Variants in USH2A observed in about 807,000 individuals in gnomAD.
USH2A encodes Usher syndrome 2A (autosomal recessive, mild).
A neutral mutation model predicts 538.9 loss-of-function variants in USH2A; 443 were observed. The ratio of observed to expected loss-of-function variants is 0.82; its 90% confidence interval spans 0.76 to 0.89. USH2A has a LOEUF of 0.89. Ranked by LOEUF, USH2A falls within the 40% of genes least tolerant of loss-of-function variation. USH2A has a pLI of 0.00. For missense variants in USH2A, 6,633 were observed against 6,324.8 expected (o/e 1.05, Z -1.65); for synonymous variants, 2,413 against 2,273.5 (o/e 1.06, Z -1.75).
In USH2A at chr1:216,375,781, A is replaced by T. The variant is rs2038806998; in HGVS notation, c.652-10696T>A. Among the ~76,000 whole-genome samples, 4 of 152,238 alleles carry T rather than the reference A, an allele frequency of 2.6e-5. No homozygotes were observed. In the South Asian group the frequency reaches 8.3e-4, roughly 32 times the overall value. ...TTCCTCACTAAGCTTACTCATTTCTAGCTTTTGATTTCAAGTGAGAGAAAT... is the reference window on the plus strand; with the variant it reads ...TTCCTCACTAAGCTTACTCATTTCTTGCTTTTGATTTCAAGTGAGAGAAAT... On this transcript the variant is annotated intron_variant, in intron 3 of 71. Coordinates refer to ENST00000307340, the MANE Select transcript of USH2A (RefSeq NM_206933.4).
At chr1:216,370,681 A>AAAAAAAAAAAAAAAAAC (rs2038695459) in intron 3 of USH2A, among the ~76,000 whole-genome samples, 1 of 142,148 alleles carries the variant, frequency 7.0e-6, no homozygotes, top group African/African-American at 2.9e-5. Flanking sequence ...CTGTCTCAAA[A>AAAAAAAAAAAAAAAAAC]AAAAAAAAAA....
At chr1:216,151,774 A>C (rs2033839301) in intron 21 of USH2A, among the ~76,000 whole-genome samples, 1 of 152,200 alleles carries the variant, frequency 6.6e-6, no homozygotes, top group African/African-American at 2.4e-5. Context: ...CAACATAAAA[A>C]AACTCAAGGA....
At chr1:216,067,680 C>T (rs2031425520) in intron 30 of USH2A, among the ~76,000 whole-genome samples, 1 of 152,100 alleles carries the variant, frequency 6.6e-6, no homozygotes, top group South Asian at 2.1e-4. Context: ...TCCAGAGTAA[C>T]TCTCAAATTG....
Position 215,759,790 on chromosome 1 carries a change from A to G in USH2A, c.11101T>C (p.Tyr3701His), listed in dbSNP as rs1660925738. Residue 3701 changes from tyrosine (Y) to histidine (H), a missense_variant, in exon 57 of 72, where the codon TAT becomes CAT. Physicochemically the swap from Tyr to His is moderately conservative, Grantham distance 83 (BLOSUM62 2). Transcript: ENST00000307340. Reference sequence around the variant, plus strand: ...TTGGGCTTTTCTGGCAGACTCCAATATAATTCCACTGTTGTAGAATTGATG... The same window carrying G: ...TTGGGCTTTTCTGGCAGACTCCAATGTAATTCCACTGTTGTAGAATTGATG... ...IIINSTTVELYWSLPEKPNGL... is the reference protein window; with the variant it reads ...IIINSTTVELHWSLPEKPNGL... The G allele has an allele frequency of 6.2e-7, 1 of 1,614,096 alleles. No homozygotes were observed. The highest frequency in any genetic ancestry group is 8.5e-7 in the Non-Finnish European group (1 of 1,179,966).
chr1:215,759,902 A>T, intron 56 of USH2A, 59 bp from the exon 57 acceptor site: 1 of 1,595,796 alleles, frequency 6.3e-7, no homozygotes, highest in Non-Finnish European at 8.6e-7. Flanking sequence ...GTGTATCAAA[A>T]GTCACACCAT....
intron 62 of USH2A, among the ~76,000 whole-genome samples, chr1:215,676,177 A>G (rs1419771513): frequency 6.6e-6 from 1 of 152,068 alleles, no homozygotes; most frequent in Non-Finnish European, 1.5e-5. Context: ...ATACATATAT[A>G]TACATGTACA....
intron 60 of USH2A, among the ~76,000 whole-genome samples, chr1:215,736,457 T>A (rs973093447): frequency 1.3e-5 from 2 of 152,142 alleles, no homozygotes; most frequent in African/African-American, 4.8e-5. Context: ...ATCAGTGGAT[T>A]ATGAAATAAT....
chr1:216,355,331 G>T (rs1270670393), intron 4 of USH2A, among the ~76,000 whole-genome samples: 3 of 139,880 alleles, frequency 2.1e-5, no homozygotes, highest in Non-Finnish European at 4.7e-5. Context: ...AAGAAAGAAA[G>T]AAAGAAAGAA....
intron 9 of USH2A, among the ~76,000 whole-genome samples, chr1:216,295,176 C>T (rs943550696): frequency 1.3e-5 from 2 of 151,382 alleles, no homozygotes; most frequent in Non-Finnish European, 3.0e-5. Flanking sequence ...GAAGAAATTG[C>T]TACTTCAAAA....
rs767580531 is a variant in USH2A, at chr1:216,000,429, G to C, written c.6459C>G (p.Val2153=). The change falls in exon 33 of 72, where the codon GTC becomes GTG. Residue 2153 remains valine (V), a synonymous_variant. Coordinates refer to ENST00000307340, the MANE Select transcript of USH2A (RefSeq NM_206933.4). ...PEHVDSPVLT[V]LDSRTIHIQW... is the part of the protein sequence containing the mutation. ...GTATGTGTATAGTTCTAGAATCCAG[G>C]ACAGTCAGAACTGGGGAATCCACGT... 1.2e-6 allele frequency: 2 copies of C among 1,613,502 alleles called. No homozygotes were observed. The highest frequency in any genetic ancestry group is 2.2e-5 in the South Asian group (2 of 91,082).
intron 67 of USH2A, among the ~76,000 whole-genome samples, chr1:215,642,764 CT>C (rs2102638042): frequency 1.3e-5 from 2 of 152,210 alleles, no homozygotes; most frequent in African/African-American, 4.8e-5. Flanking sequence ...ATGTTGGTCA[CT>C]TGAGAGCAGT....
At chr1:215,872,039 A>G (rs1032756339) in intron 43 of USH2A, among the ~76,000 whole-genome samples, 1 of 152,200 alleles carries the variant, frequency 6.6e-6, no homozygotes, top group Admixed American at 6.5e-5. Flanking sequence ...TAATATTGTC[A>G]CCAATATAAA....
intron 61 of USH2A, among the ~76,000 whole-genome samples, chr1:215,727,408 T>C (rs1428280499): frequency 6.6e-6 from 1 of 152,068 alleles, no homozygotes. Context: ...TTAGTAGACA[T>C]GGAAAATGGA....
intron 4 of USH2A, among the ~76,000 whole-genome samples, chr1:216,355,077 G>C (rs2038358027): frequency 6.6e-6 from 1 of 152,026 alleles, no homozygotes; most frequent in Admixed American, 6.6e-5. Flanking sequence ...GGAGGCTGAG[G>C]AGGGTGGATC....
chr1:215,750,526 T>C lies in USH2A; in HGVS notation c.11390-7191A>G, dbSNP rs1156381606. On this transcript the variant is annotated intron_variant, in intron 58 of 71. Transcript: ENST00000307340. ...ATGAAGTTTTGAGCCACAAATAAAA[T>C]TATTCTATTGGGTTACTGGGTCGAC... Among the ~76,000 whole-genome samples, 3 of 152,152 alleles carry C rather than the reference T, an allele frequency of 2.0e-5. No individual in the cohort carries two copies. The South Asian group carries it at 6.2e-4, about 31-fold the overall frequency.
intron 58 of USH2A, among the ~76,000 whole-genome samples, chr1:215,754,388 T>C (rs1481295948): frequency 6.6e-6 from 1 of 152,172 alleles, no homozygotes; most frequent in East Asian, 1.9e-4. Flanking sequence ...ATTAGAACAA[T>C]AGTTTGAAAA....
intron 52 of USH2A, among the ~76,000 whole-genome samples, chr1:215,783,981 G>A (rs1440098639): frequency 6.6e-6 from 1 of 152,148 alleles, no homozygotes; most frequent in Non-Finnish European, 1.5e-5. Context: ...AAAATACAAT[G>A]CAATAAATTA....
At chr1:215,889,908 A>G (rs570399764) in intron 40 of USH2A, among the ~76,000 whole-genome samples, 1 of 152,318 alleles carries the variant, frequency 6.6e-6, no homozygotes, top group East Asian at 1.9e-4. Flanking sequence ...CTGCGGGGGC[A>G]AAGTGTTATT....
chr1:216,417,211 A>T (rs1046300902), intron 3 of USH2A, among the ~76,000 whole-genome samples: 3 of 151,976 alleles, frequency 2.0e-5, no homozygotes, highest in Non-Finnish European at 4.4e-5. Context: ...AGCCAAAACA[A>T]TGAACAATTA....
Sources: gnomAD v4.1 joint callset for allele counts (sites outside exome capture counted in the v4.1 genomes callset) on GRCh38, gnomAD v4.1.1 for gene constraint, MANE v1.5 for transcripts, NCBI Gene and HGNC (gene_info 2026-07-23, HGNC 2026-07-21) for gene names.